CNOT1: variants seen among roughly 807,000 people sequenced by gnomAD.
The protein encoded by CNOT1 is CCR4-associated factor 1.
CNOT1 carries 15 observed loss-of-function variants against 273.8 expected under a neutral mutation model. That is an observed-to-expected ratio of 0.05 (90% CI 0.04 to 0.08). The LOEUF (loss-of-function observed/expected upper bound fraction) is 0.08. CNOT1 is among the 10% of genes least tolerant of loss of function. The probability of loss-of-function intolerance (pLI) is 1.00; values close to 1 mark genes in which losing one functional copy is unlikely to be tolerated. For synonymous variants in CNOT1, 1,022 were observed against 1,005.5 expected (o/e 1.02, Z -0.31); for missense variants, 1,644 against 2,912.2 (o/e 0.56, Z 10.02).
At chr16:58,604,621 T>TAAA (rs869046701) in intron 1 of CNOT1, among the ~76,000 whole-genome samples, 5 of 120,856 alleles carry the variant, frequency 4.1e-5, no homozygotes, top group African/African-American at 1.3e-4. Context: ...ATCTCTGCTA[T>TAAA]AAAAAAAAAA....
intron 39 of CNOT1, among the ~76,000 whole-genome samples, chr16:58,535,927 G>C (rs1030865677): frequency 6.6e-6 from 1 of 151,806 alleles, no homozygotes; most frequent in African/African-American, 2.4e-5. Flanking sequence ...GTAGAGACAG[G>C]GTTTCACTGT....
Position 58,546,690 on chromosome 16 carries a change from A to C in CNOT1, c.3810T>G (p.His1270Gln). The change falls in exon 28 of 49, where the codon CAT (histidine) becomes CAG (glutamine). Residue 1270 changes from histidine (H) to glutamine (Q), a missense_variant. His to Gln is a conservative substitution (Grantham distance 24). Transcript: ENST00000317147. ...AAATTACCTTTAAGTCATGCTCCTG[A>C]TGTAGCTCAGCTAATACATTCATAA... is the stretch of plus-strand genomic sequence containing the variant. Reference protein sequence around the residue: ...MAIMNVLAELHQEHDLKLNLK... With the variant: ...MAIMNVLAELQQEHDLKLNLK... 6.2e-7 allele frequency: 1 copy of C among 1,613,986 alleles called. No individual in the cohort carries two copies. Among genetic ancestry groups the C allele is most frequent in the Non-Finnish European group, 8.5e-7 (1 of 1,179,916 alleles).
chr16:58,539,639 A>T, intron 35 of CNOT1, 129 bp downstream of exon 35: 1 of 929,836 alleles, frequency 1.1e-6, no homozygotes, highest in Non-Finnish European at 1.5e-6. Flanking sequence ...AAAAAAAATC[A>T]CCTACTTACA....
chr16:58,559,944 T>C, intron 17 of CNOT1: 1 of 899,496 alleles, frequency 1.1e-6, no homozygotes, highest in South Asian at 1.3e-5. Flanking sequence ...GTCTCAAGAG[T>C]CTACGTAATT....
At chr16:58,552,900 G>A (rs1028849886) in intron 22 of CNOT1, among the ~76,000 whole-genome samples, 2 of 152,168 alleles carry the variant, frequency 1.3e-5, no homozygotes, top group Non-Finnish European at 2.9e-5. Context: ...TCAAATTTCA[G>A]TAATAATAAC....
chr16:58,551,274 T>TAAA lies in CNOT1; in HGVS notation c.3202-5_3202-3dup. The TAAA allele has an allele frequency of 8.0e-7, 1 of 1,246,454 alleles. No individual in the cohort carries two copies. Among genetic ancestry groups the TAAA allele is most frequent in the Non-Finnish European group, 1.1e-6 (1 of 917,558 alleles). The allele number at this position is 1,246,454 out of a possible 1,614,324, so 77.2% of individuals were successfully genotyped here. Reference sequence around the variant, plus strand: ...TATATTTGTAGTATTAATAGAAGGCTAAAAAAAAAAAATAAAGTACATAAG... The same window carrying TAAA: ...TATATTTGTAGTATTAATAGAAGGCTAAAAAAAAAAAAAAATAAAGTACATAAG... On this transcript the variant is annotated splice_polypyrimidine_tract_variant and splice_region_variant and intron_variant, in intron 23 of 48. Coordinates refer to ENST00000317147, the MANE Select transcript of CNOT1 (RefSeq NM_016284.5).
At position 58,527,304 on chromosome 16, in the gene CNOT1, G is replaced by T. The variant is rs192988671; in HGVS notation, c.6454-1166C>A. Among the ~76,000 whole-genome samples the T allele has an allele frequency of 3.8e-4, 57 of 151,760 alleles. 1 individual carries two copies. In the East Asian group the frequency reaches 9.6e-3, roughly 25 times the overall value. Reference sequence around the variant, plus strand: ...TTTGGGAGGCCAAGGCAGGCAGATCGTGAGGTCAGGAGTTTGAGACCAGCC... The same window carrying T: ...TTTGGGAGGCCAAGGCAGGCAGATCTTGAGGTCAGGAGTTTGAGACCAGCC... On this transcript the variant is annotated intron_variant, in intron 44 of 48. Coordinates refer to ENST00000317147, the MANE Select transcript of CNOT1 (RefSeq NM_016284.5).
At chr16:58,586,466 G>GGA in intron 7 of CNOT1, 79 bp downstream of exon 7, 1 of 943,398 alleles carries the variant, frequency 1.1e-6, no homozygotes, top group East Asian at 2.7e-5. Context: ...GTGAGGGGAG[G>GGA]GGAGGGGGGA....
In CNOT1 at chr16:58,542,428, A is replaced by C. The variant is rs1161767988; in HGVS notation, c.4575T>G (p.Thr1525=). 6 of 1,613,958 alleles carry C rather than the reference A, an allele frequency of 3.7e-6. No individual in the cohort carries two copies. Among genetic ancestry groups the C allele is most frequent in the African/African-American group, 2.7e-5 (2 of 74,892 alleles). The change falls in exon 32 of 49, where the codon ACT becomes ACG. Residue 1525 remains threonine (T), a splice_region_variant and synonymous_variant. Coordinates refer to ENST00000317147, the MANE Select transcript of CNOT1 (RefSeq NM_016284.5). ...TAAAAGGCAAATTCTAAACACTTAC[A>C]GTTGCTAATCTCTTGTCCATCTCAG... ...AGPEMDKRLA[T]EFELRKHARQ...
At chr16:58,613,200 T>A (rs1383405650) in intron 1 of CNOT1, among the ~76,000 whole-genome samples, 2 of 151,814 alleles carry the variant, frequency 1.3e-5, no homozygotes, top group African/African-American at 4.8e-5. Context: ...CCCAGCTAAT[T>A]TTTTTTTATT....
At chr16:58,554,449 T>A (rs2040561347) in intron 21 of CNOT1, among the ~76,000 whole-genome samples, 1 of 152,170 alleles carries the variant, frequency 6.6e-6, no homozygotes. Context: ...GGCAGGAAGA[T>A]CACTTGAGGC....
rs2039336924 is a variant in CNOT1 at position 58,520,596 on chromosome 16, A to T, written c.*362T>A. 1 of 239,376 alleles carries T rather than the reference A, an allele frequency of 4.2e-6. No individual in the cohort carries two copies. Among genetic ancestry groups the T allele is most frequent in the Non-Finnish European group, 8.3e-6 (1 of 120,316 alleles). 14.8% of individuals were successfully genotyped at this position (239,376 alleles called of 1,614,324 possible). A position where few individuals can be genotyped will look rare whatever the true frequency, so the allele number is the denominator to read the frequency against. The stretch of plus-strand genomic sequence containing the variant: ...AGAAGACATGGAGCTATGCCCTCAG[A>T]CAAGTGCATGGCATCAGCTGCCTCT... On this transcript the variant is annotated 3_prime_UTR_variant, in exon 49 of 49. Transcript: ENST00000317147.
intron 1 of CNOT1, among the ~76,000 whole-genome samples, chr16:58,619,491 G>A (rs572313919): frequency 3.2e-4 from 49 of 151,378 alleles, no homozygotes; most frequent in African/African-American, 7.8e-4. Flanking sequence ...GCAGTGGCGC[G>A]ATCTCAGCTC....
At chr16:58,599,206 T>C (rs1486937071) in intron 2 of CNOT1, 30 bp downstream of exon 2, 6 of 1,613,938 alleles carry the variant, frequency 3.7e-6, no homozygotes, top group Admixed American at 1.7e-5. Flanking sequence ...ATTCCTTTAA[T>C]GGCACTTGTT....
At chr16:58,536,115 C>A (rs1270167631) in intron 39 of CNOT1, among the ~76,000 whole-genome samples, 2 of 152,026 alleles carry the variant, frequency 1.3e-5, no homozygotes, top group Non-Finnish European at 2.9e-5. Context: ...TGAAAAGAGA[C>A]CTAATTTGTA....
intron 42 of CNOT1, chr16:58,530,762 C>T (rs1220482067): frequency 7.4e-6 from 1 of 135,544 alleles, no homozygotes; most frequent in African/African-American, 2.8e-5. Context: ...CCAGCCTGGA[C>T]AACAAGAGCA....
At chr16:58,549,622 C>T (rs1335006833) in intron 25 of CNOT1, 97 bp downstream of exon 25, 1 of 1,466,182 alleles carries the variant, frequency 6.8e-7, no homozygotes, top group Non-Finnish European at 9.0e-7. Flanking sequence ...CTAATATTGA[C>T]AATATATATG....
At chr16:58,534,745 G>A (rs2039874221) in intron 39 of CNOT1, among the ~76,000 whole-genome samples, 1 of 152,104 alleles carries the variant, frequency 6.6e-6, no homozygotes, top group African/African-American at 2.4e-5. Flanking sequence ...TGGACTCCAA[G>A]GAGAAGACTA....
chr16:58,572,440 G>A (rs1424753531), intron 16 of CNOT1, among the ~76,000 whole-genome samples: 2 of 152,072 alleles, frequency 1.3e-5, no homozygotes, highest in African/African-American at 4.8e-5. Flanking sequence ...TTCAACACTA[G>A]CCTGGGCAAG....
Sources: gnomAD v4.1 joint callset for allele counts (sites outside exome capture counted in the v4.1 genomes callset) on GRCh38, gnomAD v4.1.1 for gene constraint, MANE v1.5 for transcripts, NCBI Gene and HGNC (gene_info 2026-07-23, HGNC 2026-07-21) for gene names.